Variants in OSBPL1A observed in about 807,000 individuals in gnomAD.
OSBPL1A encodes oxysterol binding protein like 1A.
OSBPL1A carries 80 observed loss-of-function variants against 137.1 expected under a neutral mutation model. The observed-to-expected ratio is 0.58, with a 90% CI of 0.49 to 0.70. The LOEUF (loss-of-function observed/expected upper bound fraction) is 0.70. Among genes scored for constraint, OSBPL1A ranks in the 30% least tolerant of loss-of-function variants. The pLI, the probability that OSBPL1A is intolerant of heterozygous loss-of-function variation, is 0.00. For synonymous variants in OSBPL1A, 365 were observed against 389.7 expected (o/e 0.94, Z 0.75); for missense variants, 970 against 1,129.4 (o/e 0.86, Z 2.02).
At chr18:24,280,050 GA>G (rs752831650) in intron 15 of OSBPL1A, among the ~76,000 whole-genome samples, 1 of 152,198 alleles carries the variant, frequency 6.6e-6, no homozygotes. Context: ...AGGCTCAAGT[GA>G]TTCTCTTGCC....
intron 4 of OSBPL1A, among the ~76,000 whole-genome samples, chr18:24,351,225 T>C (rs2091432310): frequency 6.6e-6 from 1 of 151,512 alleles, no homozygotes; most frequent in Non-Finnish European, 1.5e-5. Flanking sequence ...GACACACACC[T>C]GTAATCCCAG....
intron 16 of OSBPL1A, among the ~76,000 whole-genome samples, chr18:24,226,887 A>ATTTTTTTT (rs5823416): frequency 7.9e-5 from 8 of 100,860 alleles, no homozygotes; most frequent in South Asian, 3.7e-4. Flanking sequence ...AAAGAAACAG[A>ATTTTTTTT]TTTTTTTTTT....
rs370581132 is a variant in OSBPL1A, at chr18:24,338,654, C to G, written c.394+2893G>C. ...ATAATTTCATTGTGCCTGCCTATGT[C>G]TCTCTTTCTAGGGTAAAACATTTCT... On this transcript the variant is annotated intron_variant, in intron 5 of 27. Coordinates refer to ENST00000319481, the MANE Select transcript of OSBPL1A (RefSeq NM_080597.4). 1.1e-3 allele frequency among the ~76,000 whole-genome samples: 168 copies of G among 152,314 alleles called. 2 individuals are homozygous for G. Among genetic ancestry groups the G allele is most frequent in the African/African-American group, 3.9e-3 (163 of 41,568 alleles).
At chr18:24,242,573 G>C (rs1002686428) in intron 15 of OSBPL1A, among the ~76,000 whole-genome samples, 1 of 152,120 alleles carries the variant, frequency 6.6e-6, no homozygotes, top group African/African-American at 2.4e-5. Context: ...GTTCCTGCCA[G>C]CTGCACATCA....
At chr18:24,242,336 TA>T (rs573041454) in intron 15 of OSBPL1A, among the ~76,000 whole-genome samples, 17,088 of 142,032 alleles carry the variant, frequency 0.12, 1,695 homozygotes, top group African/African-American at 0.29. Flanking sequence ...GTTAGGGGGT[TA>T]AAAAAAAAAA....
chr18:24,264,696 T>C (rs1271473611), intron 15 of OSBPL1A, among the ~76,000 whole-genome samples: 1 of 152,238 alleles, frequency 6.6e-6, no homozygotes, highest in Non-Finnish European at 1.5e-5. Flanking sequence ...ATCTTATTTC[T>C]AAATGTGGCA....
intron 15 of OSBPL1A, 43 bp from the exon 16 acceptor site, chr18:24,239,425 G>A (rs765099043): frequency 1.3e-6 from 2 of 1,553,608 alleles, no homozygotes; most frequent in Non-Finnish European, 1.8e-6. Context: ...AGAGTGACAG[G>A]AGACACAGAC....
chr18:24,280,932 A>C lies in OSBPL1A; in HGVS notation c.1191T>G (p.Phe397Leu). Residue 397 changes from phenylalanine to leucine, a missense_variant, in exon 15 of 28, where the codon TTT becomes TTG. Phe to Leu is a conservative substitution (Grantham distance 22). Around this residue, in one of 2 missense-constraint regions of OSBPL1A, gnomAD observed 647 missense variants for 672.6 expected, o/e 0.96. Transcript: ENST00000319481. Reference protein sequence around the residue: ...CDMAKEMLPSFLQKVEVVSEA... With the variant: ...CDMAKEMLPSLLQKVEVVSEA... ...CTGAGACAACTTCAACTTTCTGAAGAAATGATGGAAGCATTTCTATAAAGA... is the reference window on the plus strand; with the variant it reads ...CTGAGACAACTTCAACTTTCTGAAGCAATGATGGAAGCATTTCTATAAAGA... 1 of 1,602,764 alleles carries C rather than the reference A, an allele frequency of 6.2e-7. No individual in the cohort carries two copies. The highest frequency in any genetic ancestry group is 8.5e-7 in the Non-Finnish European group (1 of 1,176,792).
chr18:24,329,885 C>T (rs930397433), intron 7 of OSBPL1A, among the ~76,000 whole-genome samples: 3 of 152,092 alleles, frequency 2.0e-5, no homozygotes, highest in Non-Finnish European at 4.4e-5. Context: ...CTACATAAGG[C>T]ACTTGATTTG....
intron 14 of OSBPL1A, among the ~76,000 whole-genome samples, chr18:24,291,101 A>C (rs987750418): frequency 2.0e-5 from 3 of 152,170 alleles, no homozygotes; most frequent in African/African-American, 4.8e-5. Flanking sequence ...AAACAAAAAA[A>C]CCCACAAGCT....
intron 4 of OSBPL1A, among the ~76,000 whole-genome samples, chr18:24,352,421 C>A (rs2091456863): frequency 6.6e-6 from 1 of 152,076 alleles, no homozygotes; most frequent in South Asian, 2.1e-4. Context: ...AAAGAGGATA[C>A]AAACAAATGG....
intron 4 of OSBPL1A, among the ~76,000 whole-genome samples, chr18:24,358,930 G>A (rs2091579502): frequency 6.6e-6 from 1 of 151,954 alleles, no homozygotes; most frequent in African/African-American, 2.4e-5. Context: ...TAGAGATGGG[G>A]TCTTGGCTGG....
chr18:24,258,925 CTTTTTTTTTTTTT>C (rs543867145), intron 15 of OSBPL1A, among the ~76,000 whole-genome samples: 1 of 92,728 alleles, frequency 1.1e-5, no homozygotes, highest in African/African-American at 4.1e-5. Flanking sequence ...AAAATTACAT[CTTTTTTTTTTTTT>C]TTTTTTTTTT....
intron 2 of OSBPL1A, among the ~76,000 whole-genome samples, chr18:24,377,157 G>A (rs1906237977): frequency 6.6e-6 from 1 of 152,218 alleles, no homozygotes; most frequent in African/African-American, 2.4e-5. Flanking sequence ...TCAATAGGAT[G>A]TATCCTGTGG....
chr18:24,255,868 C>G (rs901612911), intron 15 of OSBPL1A, among the ~76,000 whole-genome samples: 4 of 150,946 alleles, frequency 2.6e-5, no homozygotes, highest in African/African-American at 9.8e-5. Flanking sequence ...GGGAGTGATT[C>G]CCCAACTCCC....
At position 24,282,808 on chromosome 18, in the gene OSBPL1A, GAC is replaced by G. The variant is rs530031293; in HGVS notation, c.1175-1862_1175-1861del. Among the ~76,000 whole-genome samples, 70 of 152,136 alleles carry G rather than the reference GAC, an allele frequency of 4.6e-4. No individual in the cohort carries two copies. In the South Asian group the frequency reaches 8.9e-3, roughly 19 times the overall value. On this transcript the variant is annotated intron_variant, in intron 14 of 27. Coordinates refer to ENST00000319481, the MANE Select transcript of OSBPL1A (RefSeq NM_080597.4). ...CGGGACAGAACAAGATTTGTTAAAA[GAC>G]ACAAGATTACAGCTAGGGCGAGGCA... is the stretch of plus-strand genomic sequence containing the variant.
At chr18:24,354,495 T>G (rs1183696593) in intron 4 of OSBPL1A, among the ~76,000 whole-genome samples, 1 of 151,938 alleles carries the variant, frequency 6.6e-6, no homozygotes, top group African/African-American at 2.4e-5. Flanking sequence ...TGAAGGAAGG[T>G]GAAGCCTGAG....
intron 16 of OSBPL1A, among the ~76,000 whole-genome samples, chr18:24,230,842 G>T (rs1319567516): frequency 2.0e-5 from 3 of 152,200 alleles, no homozygotes; most frequent in Non-Finnish European, 4.4e-5. Context: ...AATCTGTGCA[G>T]CCCTGAGTAA....
At chr18:24,185,328 CTT>C (rs200202342) in intron 18 of OSBPL1A, among the ~76,000 whole-genome samples, 20 of 139,878 alleles carry the variant, frequency 1.4e-4, no homozygotes, top group Non-Finnish European at 9.5e-5. Flanking sequence ...ATTCTTTTTT[CTT>C]TTTTTTTTTT....
Sources: gnomAD v4.1 joint callset for allele counts (sites outside exome capture counted in the v4.1 genomes callset) on GRCh38, gnomAD v4.1.1 for gene constraint, gnomAD v4.1.1 regional missense constraint, MANE v1.5 for transcripts, NCBI Gene and HGNC (gene_info 2026-07-23, HGNC 2026-07-21) for gene names.